Variants in NAALADL2 observed in about 807,000 individuals in gnomAD.
NAALADL2 encodes the protein inactive N-acetylated-alpha-linked acidic dipeptidase-like protein 2.
A neutral mutation model predicts 87.2 loss-of-function variants in NAALADL2; 76 were observed. That is an observed-to-expected ratio of 0.87 (90% CI 0.72 to 1.05). NAALADL2 has a LOEUF of 1.05. Ranked by LOEUF, NAALADL2 falls within the 50% of genes least tolerant of loss-of-function variation. The probability of loss-of-function intolerance (pLI) is 0.00; values close to 1 mark genes in which losing one functional copy is unlikely to be tolerated. For synonymous variants in NAALADL2, 354 were observed against 331.0 expected, an observed-to-expected ratio of 1.07 and a Z score of -0.75; for missense variants, 1,089 against 945.8, an observed-to-expected ratio of 1.15 and a Z score of -1.99.
chr3:174,681,150 C>T (rs751851729), intron 2 of NAALADL2, among the ~76,000 whole-genome samples: 23 of 152,132 alleles, frequency 1.5e-4, no homozygotes, highest in Non-Finnish European at 2.5e-4. Context: ...TACACCAGCA[C>T]CCAGCCAGAG....
At chr3:175,351,870 G>A (rs1025893513) in intron 5 of NAALADL2, among the ~76,000 whole-genome samples, 2 of 152,094 alleles carry the variant, frequency 1.3e-5, no homozygotes, top group Non-Finnish European at 2.9e-5. Flanking sequence ...GTGTTTATCT[G>A]ATCTTAAAGC....
chr3:174,458,527 A>G (rs1005350054), intron 1 of NAALADL2: 14 of 152,216 alleles, frequency 9.2e-5, no homozygotes, highest in African/African-American at 2.7e-4. Flanking sequence ...TCTGAAAGAA[A>G]AGATCAGTAA....
chr3:175,055,998 G>C lies in NAALADL2; in HGVS notation c.44-40792G>C, dbSNP rs553657844. On this transcript the variant is annotated intron_variant, in intron 1 of 13. Coordinates refer to ENST00000454872, the MANE Select transcript of NAALADL2 (RefSeq NM_207015.3). ...ATCTGGGCGGTGTATTCTAACAGGGGACTGCCAAGCCTCTATATCACCCTC... is the reference window on the plus strand; with the variant it reads ...ATCTGGGCGGTGTATTCTAACAGGGCACTGCCAAGCCTCTATATCACCCTC... 9.9e-5 allele frequency among the ~76,000 whole-genome samples: 15 copies of C among 152,208 alleles called. No homozygotes were observed. In the South Asian group the frequency reaches 1.9e-3, roughly 19 times the overall value.
At chr3:175,742,722 A>G (rs1745413008) in intron 12 of NAALADL2, among the ~76,000 whole-genome samples, 1 of 151,998 alleles carries the variant, frequency 6.6e-6, no homozygotes, top group Non-Finnish European at 1.5e-5. Flanking sequence ...TTTGCATGAC[A>G]CAGGAGCCTT....
intron 2 of NAALADL2, among the ~76,000 whole-genome samples, chr3:175,133,548 C>T (rs1053806741): frequency 4.6e-5 from 7 of 152,190 alleles, no homozygotes; most frequent in Admixed American, 6.5e-5. Context: ...AGCGAAACCC[C>T]GTCTCCACCA....
chr3:175,337,105 AAATTGGAATTACAATTCTTATGT>A (rs1461858693), intron 5 of NAALADL2, among the ~76,000 whole-genome samples: 13 of 152,236 alleles, frequency 8.5e-5, no homozygotes, highest in African/African-American at 2.4e-4. Flanking sequence ...ATATTCCAAG[AAATTGGAATTACAATTCTTATGT>A]AATTGGAATT....
At chr3:175,166,156 C>T (rs1733973549) in intron 2 of NAALADL2, among the ~76,000 whole-genome samples, 1 of 151,636 alleles carries the variant, frequency 6.6e-6, no homozygotes, top group African/African-American at 2.4e-5. Flanking sequence ...TCATCATTAC[C>T]TTCAGAATCA....
chr3:175,697,400 G>GACACACACACACACACACAC (rs57471272), intron 11 of NAALADL2, among the ~76,000 whole-genome samples: 41 of 145,236 alleles, frequency 2.8e-4, no homozygotes, highest in African/African-American at 9.1e-4. Context: ...GCTGCACACA[G>GACACACACACACACACACAC]ACACACACAC....
intron 3 of NAALADL2, among the ~76,000 whole-genome samples, chr3:174,824,481 A>G (rs1721770781): frequency 1.3e-5 from 2 of 152,232 alleles, no homozygotes; most frequent in Non-Finnish European, 2.9e-5. Flanking sequence ...ATCACATTCC[A>G]AATATACCAG....
At chr3:175,027,970 T>C (rs757618345) in intron 1 of NAALADL2, among the ~76,000 whole-genome samples, 9 of 151,952 alleles carry the variant, frequency 5.9e-5, no homozygotes, top group Non-Finnish European at 1.2e-4. Context: ...ATTATTCACA[T>C]GTGAAAAGGC....
chr3:175,058,828 G>C (rs908618062), intron 1 of NAALADL2, among the ~76,000 whole-genome samples: 1 of 152,186 alleles, frequency 6.6e-6, no homozygotes, highest in African/African-American at 2.4e-5. Flanking sequence ...TTAACATTAA[G>C]ACCTGTGCTG....
chr3:174,504,303 G>A (rs1471684268), intron 1 of NAALADL2, among the ~76,000 whole-genome samples: 1 of 152,112 alleles, frequency 6.6e-6, no homozygotes, highest in Non-Finnish European at 1.5e-5. Flanking sequence ...CAATGCAAAT[G>A]TTTGTGGGGG....
At chr3:175,054,154 GC>G (rs1328876750) in intron 1 of NAALADL2, among the ~76,000 whole-genome samples, 2 of 152,222 alleles carry the variant, frequency 1.3e-5, no homozygotes, top group African/African-American at 4.8e-5. Context: ...CTCAATTACA[GC>G]TACAAGCTCC....
At chr3:174,721,855 C>A (rs1304259311) in intron 2 of NAALADL2, among the ~76,000 whole-genome samples, 1 of 152,144 alleles carries the variant, frequency 6.6e-6, no homozygotes, top group Admixed American at 6.5e-5. Flanking sequence ...AGATCCACTG[C>A]TTTTACAGCC....
In NAALADL2 at chr3:174,492,350, T is replaced by C. The variant is rs371744328; in HGVS notation, c.-184+51318T>C. Among the ~76,000 whole-genome samples, 357 of 152,198 alleles carry C rather than the reference T, an allele frequency of 2.3e-3. 1 individual carries two copies. Among genetic ancestry groups the C allele is most frequent in the African/African-American group, 8.0e-3 (334 of 41,532 alleles). On this transcript the variant is annotated intron_variant, in intron 1 of 3. Coordinates refer to the NAALADL2 transcript ENST00000434257. ...ACCATTTACTGGGTGCACAATTAGA[T>C]GCTTTGAATTATAGAATTCAATGAG...
intron 11 of NAALADL2, among the ~76,000 whole-genome samples, chr3:175,674,253 T>G (rs1377469291): frequency 5.4e-5 from 8 of 149,050 alleles, no homozygotes; most frequent in African/African-American, 1.8e-4. Flanking sequence ...TAGTGTTTTT[T>G]TTTTTTGTTT....
chr3:174,735,473 T>C (rs575465542), intron 2 of NAALADL2, among the ~76,000 whole-genome samples: 1 of 152,346 alleles, frequency 6.6e-6, no homozygotes, highest in East Asian at 1.9e-4. Flanking sequence ...CTCTTTCTAA[T>C]ACACATCTCT....
intron 1 of NAALADL2, among the ~76,000 whole-genome samples, chr3:174,501,930 T>C (rs1266440892): frequency 1.3e-5 from 2 of 152,136 alleles, no homozygotes; most frequent in Non-Finnish European, 2.9e-5. Context: ...TTTCTTTTAC[T>C]TGTTTATAAT....
intron 1 of NAALADL2, among the ~76,000 whole-genome samples, chr3:174,927,925 T>G (rs897528237): frequency 6.6e-6 from 1 of 151,450 alleles, no homozygotes; most frequent in Admixed American, 6.6e-5. Context: ...CAGGAGCTGT[T>G]TTTTTGAAGA....
Sources: allele counts gnomAD v4.1 joint callset (sites outside exome capture counted in the v4.1 genomes callset), GRCh38; gene constraint gnomAD v4.1.1; transcripts MANE v1.5; gene names NCBI Gene and HGNC (gene_info 2026-07-23, HGNC 2026-07-21).